The following TET1 variants were observed in gnomAD, a reference collection of about 807,000 sequenced individuals.
TET1 encodes methylcytosine dioxygenase TET1.
In TET1, 13 loss-of-function variants were observed where a neutral mutation model predicts 148.7. The ratio of observed to expected loss-of-function variants is 0.09; its 90% CI spans 0.06 to 0.14. TET1 has a LOEUF of 0.14. TET1 is among the 10% of genes least tolerant of loss of function. The pLI is 1.00. For synonymous variants in TET1, 907 were observed against 937.2 expected, an observed-to-expected ratio of 0.97 and a Z score of 0.59; for missense variants, 2,182 against 2,553.8, an observed-to-expected ratio of 0.85 and a Z score of 3.14.
At chr10:68,561,543 G>T (rs1490029017) in intron 1 of TET1, among the ~76,000 whole-genome samples, 1 of 152,254 alleles carries the variant, frequency 6.6e-6, no homozygotes, top group East Asian at 1.9e-4. Flanking sequence ...ATCCCGGAGC[G>T]GGCCCCGAGG....
intron 10 of TET1, among the ~76,000 whole-genome samples, chr10:68,683,993 TC>T (rs1272378277): frequency 1.3e-5 from 2 of 152,196 alleles, no homozygotes; most frequent in African/African-American, 2.4e-5. Context: ...CTGTTTGTCT[TC>T]CTGTCATCTA....
intron 2 of TET1, 82 bp downstream of exon 2, chr10:68,574,334 G>C: frequency 9.4e-7 from 1 of 1,060,800 alleles, no homozygotes; most frequent in Non-Finnish European, 1.4e-6. Context: ...AGTGTCTCTA[G>C]TGTCTCTATG....
At chr10:68,595,937 T>C (rs34817638) in intron 2 of TET1, among the ~76,000 whole-genome samples, 7,758 of 37,466 alleles carry the variant, frequency 0.21, 714 homozygotes, top group African/African-American at 0.3. Flanking sequence ...TATATATATA[T>C]ATATATATAT....
chr10:68,624,203 TCTC>T lies in TET1; in HGVS notation c.1969-20492_1969-20490del, dbSNP rs2054417651. The stretch of plus-strand genomic sequence containing the variant: ...CTTCCCCATCCCGGGTTCAAGCAAT[TCTC>T]CTGCCTCAGCCTCCCAAGTAGCTGG... On this transcript the variant is annotated intron_variant, in intron 3 of 11. Coordinates refer to ENST00000373644, the MANE Select transcript of TET1 (RefSeq NM_030625.3). 2.6e-5 allele frequency among the ~76,000 whole-genome samples: 4 copies of T among 152,002 alleles called. No homozygotes were observed. The South Asian group carries it at 6.3e-4, about 24-fold the overall frequency.
intron 3 of TET1, among the ~76,000 whole-genome samples, chr10:68,629,906 T>A (rs890950476): frequency 6.6e-6 from 1 of 152,184 alleles, no homozygotes; most frequent in East Asian, 1.9e-4. Context: ...ATATGAACGA[T>A]TGGAAGTGCT....
chr10:68,607,384 A>T (rs1410253237), intron 3 of TET1, among the ~76,000 whole-genome samples: 4 of 149,174 alleles, frequency 2.7e-5, no homozygotes, highest in East Asian at 2.0e-4. Context: ...TAATAACTTT[A>T]TTTAAGTTTT....
At chr10:68,625,045 C>T (rs951261561) in intron 3 of TET1, among the ~76,000 whole-genome samples, 8 of 152,080 alleles carry the variant, frequency 5.3e-5, no homozygotes, top group African/African-American at 1.7e-4. Context: ...CTTTTTCTTA[C>T]TGTATGTTCT....
At chr10:68,584,546 G>A (rs919949018) in intron 2 of TET1, among the ~76,000 whole-genome samples, 6 of 150,510 alleles carry the variant, frequency 4.0e-5, no homozygotes, top group African/African-American at 1.2e-4. Context: ...CCGTCTCTAC[G>A]AAAAATGCAA....
intron 2 of TET1, among the ~76,000 whole-genome samples, chr10:68,587,750 G>C (rs534569108): frequency 6.6e-6 from 1 of 152,270 alleles, no homozygotes; most frequent in Non-Finnish European, 1.5e-5. Context: ...ACATTTTTTT[G>C]AGGGGCAGAC....
intron 8 of TET1, among the ~76,000 whole-genome samples, chr10:68,679,528 C>T (rs970825795): frequency 1.3e-5 from 2 of 152,150 alleles, no homozygotes; most frequent in Non-Finnish European, 2.9e-5. Flanking sequence ...CACGGTTACC[C>T]AGCCCACTGG....
chr10:68,590,459 CAT>C (rs879660061), intron 2 of TET1, among the ~76,000 whole-genome samples: 1 of 152,030 alleles, frequency 6.6e-6, no homozygotes, highest in Non-Finnish European at 1.5e-5. Context: ...TCCAATATTG[CAT>C]ATAACTCTAA....
intron 6 of TET1, among the ~76,000 whole-genome samples, chr10:68,662,518 C>T (rs564403041): frequency 5.9e-4 from 86 of 144,784 alleles, no homozygotes; most frequent in Non-Finnish European, 1.2e-3. Context: ...CTCTTCATAG[C>T]CTTTTTTTAG....
At chr10:68,577,412 C>T (rs571003029) in intron 2 of TET1, among the ~76,000 whole-genome samples, 16 of 152,216 alleles carry the variant, frequency 1.1e-4, no homozygotes, top group Admixed American at 2.6e-4. Context: ...TGTGGCACTT[C>T]GAGAGGCTGA....
rs757874803 is a variant in TET1 at position 68,572,528 on chromosome 10, C to T, written c.190C>T (p.Pro64Ser). The T allele has an allele frequency of 8.1e-6, 13 of 1,613,620 alleles. No homozygotes were observed. The South Asian group carries it at 1.1e-4, about 14-fold the overall frequency. Reference protein sequence around the residue: ...QERDVKKKTEPKPPVPVRSLL... With the variant: ...QERDVKKKTESKPPVPVRSLL... Reference sequence around the variant, plus strand: ...AAGAGATGTTAAGAAAAAAACAGAACCTAAACCACCCGTGCCAGTCAGAAG... The same window carrying T: ...AAGAGATGTTAAGAAAAAAACAGAATCTAAACCACCCGTGCCAGTCAGAAG... The change falls in exon 2 of 12, where the codon CCT (proline) becomes TCT (serine). Residue 64 changes from proline (P) to serine (S), a missense_variant. Physicochemically the swap from Pro to Ser is moderately conservative, Grantham distance 74 (BLOSUM62 -1). Coordinates refer to ENST00000373644, the MANE Select transcript of TET1 (RefSeq NM_030625.3).
chr10:68,650,953 A>T (rs868571178), intron 4 of TET1, among the ~76,000 whole-genome samples: 16 of 152,220 alleles, frequency 1.1e-4, no homozygotes, highest in Admixed American at 7.9e-4. Context: ...ACAAAAATTT[A>T]AAACAATCTT....
intron 6 of TET1, among the ~76,000 whole-genome samples, chr10:68,663,584 A>G (rs151338596): frequency 9.2e-5 from 14 of 152,338 alleles, no homozygotes; most frequent in African/African-American, 3.1e-4. Context: ...TACCAGTCAT[A>G]TATCATATTG....
intron 2 of TET1, among the ~76,000 whole-genome samples, chr10:68,595,059 G>C (rs567924640): frequency 1.3e-5 from 2 of 151,490 alleles, no homozygotes; most frequent in South Asian, 4.2e-4. Flanking sequence ...ACACTGACAT[G>C]GGAGGATCGC....
chr10:68,654,353 C>T (rs1299221902), intron 6 of TET1, among the ~76,000 whole-genome samples: 13 of 152,060 alleles, frequency 8.5e-5, no homozygotes, highest in Non-Finnish European at 5.9e-5. Flanking sequence ...CAGTGGCTCA[C>T]GCCTGTAATC....
At chr10:68,580,313 ATTTTTTT>A (rs1163318028) in intron 2 of TET1, among the ~76,000 whole-genome samples, 25 of 60,436 alleles carry the variant, frequency 4.1e-4, no homozygotes, top group African/African-American at 9.5e-4. Flanking sequence ...ATTATATTCA[ATTTTTTT>A]TTTTTTTTTT....
Sources: gnomAD v4.1 joint callset for allele counts (sites outside exome capture counted in the v4.1 genomes callset) on GRCh38, gnomAD v4.1.1 for gene constraint, MANE v1.5 for transcripts, NCBI Gene and HGNC (gene_info 2026-07-23, HGNC 2026-07-21) for gene names.